TMC1: variants seen among roughly 807,000 people sequenced by gnomAD.
TMC1 encodes the protein transmembrane channel-like protein 1.
In TMC1, 84 loss-of-function variants were observed where a neutral mutation model predicts 105.8. The observed-to-expected ratio is 0.79, with a 90% CI of 0.67 to 0.95. The LOEUF (loss-of-function observed/expected upper bound fraction) is 0.95, where lower values mean the gene tolerates loss of function less well. Ranked by LOEUF, TMC1 falls within the 40% of genes least tolerant of loss-of-function variation. TMC1 has a pLI of 0.00. For synonymous variants in TMC1, 315 were observed against 311.5 expected, an observed-to-expected ratio of 1.01 and a Z score of -0.12; for missense variants, 817 against 914.1, an observed-to-expected ratio of 0.89 and a Z score of 1.37.
rs972563788 is a variant in TMC1, at chr9:72,836,779, A to C, written c.*806A>C. The C allele has an allele frequency of 6.6e-6, 1 of 152,136 alleles. No homozygotes were observed. The highest frequency in any genetic ancestry group is 1.5e-5 in the Non-Finnish European group (1 of 68,040). 9.4% of individuals were successfully genotyped at this position (152,136 alleles called of 1,614,324 possible). On this transcript the variant is annotated 3_prime_UTR_variant, in exon 24 of 24. Transcript: ENST00000297784. The stretch of plus-strand genomic sequence containing the variant: ...TTTGTCTTCCAATGATCATGTTATC[A>C]GTGGTGAATCCATACAGGTCTGCAT...
intron 1 of TMC1, among the ~76,000 whole-genome samples, chr9:72,540,468 G>C (rs1461185882): frequency 6.6e-6 from 1 of 151,414 alleles, no homozygotes; most frequent in Non-Finnish European, 1.5e-5. Context: ...TTACCTCAGG[G>C]AAATTCCTCA....
At chr9:72,624,614 G>T in intron 3 of TMC1, among the ~76,000 whole-genome samples, 1 of 152,196 alleles carries the variant, frequency 6.6e-6, no homozygotes, top group Non-Finnish European at 1.5e-5. Context: ...AAGTGAGGAT[G>T]AAATGCAACA....
At chr9:72,741,775 C>G (rs1411753568) in intron 9 of TMC1, among the ~76,000 whole-genome samples, 1 of 152,344 alleles carries the variant, frequency 6.6e-6, no homozygotes, top group East Asian at 1.9e-4. Context: ...CTGCCACATT[C>G]TCATTCTTCC....
intron 2 of TMC1, among the ~76,000 whole-genome samples, chr9:72,610,384 T>G (rs1186900032): frequency 6.6e-6 from 1 of 152,122 alleles, no homozygotes. Flanking sequence ...CAGGAGAACC[T>G]ATGGTGTAGT....
At chr9:72,829,748 GTTACC>G (rs1829012375) in intron 21 of TMC1, among the ~76,000 whole-genome samples, 1 of 152,158 alleles carries the variant, frequency 6.6e-6, no homozygotes, top group Non-Finnish European at 1.5e-5. Context: ...AGTAATATAA[GTTACC>G]TTTTTTACTG....
chr9:72,725,833 G>A (rs928026420), intron 8 of TMC1, among the ~76,000 whole-genome samples: 16 of 152,042 alleles, frequency 1.1e-4, no homozygotes, highest in Non-Finnish European at 1.5e-4. Flanking sequence ...TGGGACTACA[G>A]GTGGCCGCCA....
chr9:72,765,676 A>G (rs1827818877), intron 12 of TMC1, among the ~76,000 whole-genome samples: 1 of 151,804 alleles, frequency 6.6e-6, no homozygotes, highest in Admixed American at 6.6e-5. Context: ...GAGCCTGATC[A>G]GGGAGAGAAT....
At chr9:72,688,009 T>C (rs890653576) in intron 5 of TMC1, among the ~76,000 whole-genome samples, 1 of 152,098 alleles carries the variant, frequency 6.6e-6, no homozygotes, top group Non-Finnish European at 1.5e-5. Context: ...TTATAAAACT[T>C]TTATATGCCT....
intron 10 of TMC1, among the ~76,000 whole-genome samples, chr9:72,743,712 TAGGA>T (rs144187332): frequency 2.6e-4 from 40 of 151,476 alleles, no homozygotes; most frequent in South Asian, 6.3e-4. Flanking sequence ...AGAATATTCA[TAGGA>T]AGGAAGGAAG....
chr9:72,681,599 C>T (rs1826287680), intron 5 of TMC1, among the ~76,000 whole-genome samples: 1 of 152,118 alleles, frequency 6.6e-6, no homozygotes, highest in African/African-American at 2.4e-5. Context: ...ATACCAGCAA[C>T]CCACTTCACT....
At chr9:72,665,864 T>A (rs1396916243) in intron 5 of TMC1, among the ~76,000 whole-genome samples, 1 of 152,178 alleles carries the variant, frequency 6.6e-6, no homozygotes, top group Non-Finnish European at 1.5e-5. Flanking sequence ...GAGGGAACAT[T>A]TTCCCACTCA....
At chr9:72,781,388 A>G (rs1195674261) in intron 13 of TMC1, among the ~76,000 whole-genome samples, 1 of 152,192 alleles carries the variant, frequency 6.6e-6, no homozygotes, top group East Asian at 1.9e-4. Flanking sequence ...TTAACAACTT[A>G]ACATCACATG....
intron 8 of TMC1, among the ~76,000 whole-genome samples, chr9:72,721,271 C>T (rs1827020101): frequency 1.3e-5 from 2 of 152,104 alleles, no homozygotes; most frequent in South Asian, 4.1e-4. Context: ...GTAAATTCTC[C>T]TTTACAACCT....
intron 1 of TMC1, among the ~76,000 whole-genome samples, chr9:72,555,194 T>G (rs914005032): frequency 1.3e-4 from 3 of 22,246 alleles, no homozygotes; most frequent in Admixed American, 7.7e-4. Context: ...TTTGATTCTG[T>G]TTTTTTTTTT....
chr9:72,556,444 T>C (rs1823942148), intron 1 of TMC1, among the ~76,000 whole-genome samples: 1 of 152,008 alleles, frequency 6.6e-6, no homozygotes, highest in South Asian at 2.1e-4. Context: ...CTTCAACTTT[T>C]ACTCCTTAGG....
intron 10 of TMC1, among the ~76,000 whole-genome samples, chr9:72,742,741 C>G (rs1268832324): frequency 6.6e-6 from 1 of 152,196 alleles, no homozygotes; most frequent in Non-Finnish European, 1.5e-5. Flanking sequence ...GGACCCCACT[C>G]TCGTGTTCTA....
chr9:72,728,740 C>T (rs1827161771), intron 8 of TMC1, among the ~76,000 whole-genome samples: 1 of 152,070 alleles, frequency 6.6e-6, no homozygotes, highest in South Asian at 2.1e-4. Context: ...CCTGTGTGGT[C>T]TCCTCTCTCT....
At chr9:72,756,091 G>T (rs894282146) in intron 12 of TMC1, among the ~76,000 whole-genome samples, 1 of 152,164 alleles carries the variant, frequency 6.6e-6, no homozygotes, top group South Asian at 2.1e-4. Context: ...TATTGAGTTA[G>T]CATGAGGCAC....
intron 1 of TMC1, among the ~76,000 whole-genome samples, chr9:72,576,960 G>A (rs539330945): frequency 1.3e-5 from 2 of 152,068 alleles, no homozygotes; most frequent in Admixed American, 6.5e-5. Flanking sequence ...CTCCTGGAAC[G>A]TGCTTTACTC....
Sources: allele counts gnomAD v4.1 joint callset (sites outside exome capture counted in the v4.1 genomes callset), GRCh38; gene constraint gnomAD v4.1.1; transcripts MANE v1.5; gene names NCBI Gene and HGNC (gene_info 2026-07-23, HGNC 2026-07-21).